Variants in PDILT observed in about 807,000 individuals in gnomAD.
The protein encoded by PDILT is protein disulfide isomerase like, testis expressed, also known as protein disulfide-isomerase-like protein of the testis.
PDILT carries 43 observed loss-of-function variants against 53.7 expected under a neutral mutation model. The ratio of observed to expected loss-of-function variants is 0.80; its 90% confidence interval spans 0.63 to 1.03. The LOEUF (loss-of-function observed/expected upper bound fraction) is 1.03. Ranked by LOEUF, PDILT falls within the 50% of genes least tolerant of loss-of-function variation. The pLI is 0.00. For missense variants in PDILT, 727 were observed against 712.3 expected (o/e 1.02, Z -0.24); for synonymous variants, 282 against 274.2 (o/e 1.03, Z -0.28).
rs760000909 is a variant in PDILT at position 20,384,772 on chromosome 16, A to T, written c.282T>A (p.Asn94Lys). 1.2e-6 allele frequency: 2 copies of T among 1,614,056 alleles called. No individual in the cohort carries two copies. The highest frequency in any genetic ancestry group is 2.2e-5 in the South Asian group (2 of 91,068). ...TGTCCACTTTGCCAAAGCCGATCCC[A>T]TTCTTGCCTTTGCCCATGATCTCCA... Reference protein sequence around the residue: ...KAVEIMGKGKNGIGFGKVDIT... With the variant: ...KAVEIMGKGKKGIGFGKVDIT... Residue 94 changes from asparagine (N) to lysine (K), a missense_variant, in exon 3 of 12, where the codon AAT (asparagine) becomes AAA (lysine). Physicochemically the swap from Asn to Lys is moderately conservative, Grantham distance 94. Transcript: ENST00000302451.
chr16:20,393,848 C>A (rs766008209), intron 2 of PDILT, among the ~76,000 whole-genome samples: 2 of 152,180 alleles, frequency 1.3e-5, no homozygotes, highest in African/African-American at 4.8e-5. Flanking sequence ...CCAATTGTCA[C>A]CTTGCAGGAC....
intron 1 of PDILT, among the ~76,000 whole-genome samples, chr16:20,402,573 A>G (rs1234713437): frequency 6.6e-6 from 1 of 152,238 alleles, no homozygotes; most frequent in Non-Finnish European, 1.5e-5. Context: ...TGTTGGGATG[A>G]CAGGCATGAG....
chr16:20,376,368 C>T (rs963330557), intron 3 of PDILT, among the ~76,000 whole-genome samples, 167 bp from the exon 4 acceptor site: 59 of 152,156 alleles, frequency 3.9e-4, no homozygotes, highest in African/African-American at 1.3e-3. Context: ...GCTCCAAGCA[C>T]GAACATTAAC....
intron 9 of PDILT, among the ~76,000 whole-genome samples, chr16:20,364,048 C>T (rs1225548462): frequency 5.9e-5 from 9 of 152,318 alleles, no homozygotes; most frequent in Admixed American, 4.6e-4. Context: ...GGCCATCCCC[C>T]CTGCCTGCAG....
chr16:20,398,009 T>C (rs1225285426), intron 2 of PDILT, among the ~76,000 whole-genome samples: 1 of 152,120 alleles, frequency 6.6e-6, no homozygotes, highest in Non-Finnish European at 1.5e-5. Context: ...TCGCCACTTG[T>C]GCTGTGTGAC....
intron 8 of PDILT, among the ~76,000 whole-genome samples, chr16:20,368,351 G>A (rs993767542): frequency 1.4e-4 from 21 of 152,202 alleles, no homozygotes; most frequent in African/African-American, 4.8e-4. Flanking sequence ...CAAAAAGCAT[G>A]GGATCCAAGG....
chr16:20,359,631 G>A (rs1966068581), intron 11 of PDILT, 64 bp from the exon 12 acceptor site: 4 of 1,477,686 alleles, frequency 2.7e-6, no homozygotes, highest in Admixed American at 1.8e-5. Context: ...AAATAAAGAG[G>A]CAAGAAATAT....
chr16:20,381,634 CAAAA>C (rs1034720000), intron 3 of PDILT, among the ~76,000 whole-genome samples: 2 of 58,586 alleles, frequency 3.4e-5, no homozygotes, highest in Admixed American at 2.0e-4. Context: ...GACTCCATCT[CAAAA>C]AAAAAAAAAA....
chr16:20,359,746 G>A (rs1267833734), intron 11 of PDILT, among the ~76,000 whole-genome samples, 179 bp from the exon 12 acceptor site: 2 of 152,212 alleles, frequency 1.3e-5, no homozygotes, highest in African/African-American at 4.8e-5. Context: ...GATCCGTTTG[G>A]TTTCAGAGGT....
At chr16:20,367,000 CTTTATTTA>C (rs1308840238) in intron 8 of PDILT, among the ~76,000 whole-genome samples, 1 of 130,722 alleles carries the variant, frequency 7.6e-6, no homozygotes, top group African/African-American at 3.1e-5. Context: ...TTCTTTCTTT[CTTTATTTA>C]TTTCTCTCTC....
intron 8 of PDILT, 41 bp from the exon 9 acceptor site, chr16:20,365,581 G>T: frequency 6.3e-7 from 1 of 1,596,840 alleles, no homozygotes; most frequent in Non-Finnish European, 8.5e-7. Flanking sequence ...CTTCATAAAG[G>T]GTCTTGAAGT....
At chr16:20,361,993 T>A (rs1966109433) in intron 10 of PDILT, among the ~76,000 whole-genome samples, 1 of 152,234 alleles carries the variant, frequency 6.6e-6, no homozygotes, top group African/African-American at 2.4e-5. Context: ...AAGGTGGAAA[T>A]GACATTGTTT....
At position 20,362,478 on chromosome 16, in the gene PDILT, T is replaced by C. The variant is rs1194956943; in HGVS notation, c.1342A>G (p.Thr448Ala). 6.2e-7 allele frequency: 1 copy of C among 1,614,228 alleles called. No individual in the cohort carries two copies. Among genetic ancestry groups the C allele is most frequent in the East Asian group, 2.2e-5 (1 of 44,886 alleles). Residue 448 changes from threonine to alanine, a missense_variant, in exon 10 of 12, where the codon ACA becomes GCA. Transcript: ENST00000302451. ...TACATCAGCTGAATGTCATTTGCTG[T>C]GACATCGATCTTGGCAATGATAATT... ...STIIIAKIDV[T>A]ANDIQLMYLD...
chr16:20,394,773 C>T (rs1330161233), intron 2 of PDILT, among the ~76,000 whole-genome samples: 1 of 152,208 alleles, frequency 6.6e-6, no homozygotes, highest in Non-Finnish European at 1.5e-5. Context: ...TCCCTCCCAC[C>T]TTGCTGGCTG....
In PDILT at chr16:20,359,329, T is replaced by G; in HGVS notation, c.1745A>C (p.Glu582Ala). Residue 582 changes from glutamate (E) to alanine (A), a missense_variant, in exon 12 of 12, where the codon GAA becomes GCA. By Grantham distance (107) the Glu-to-Ala change is moderately radical. Transcript: ENST00000302451. ...CTGGTATTGGAGAAGCTAAAGTTCT[T>G]CCTTGACTTTTGGTTTCTTCTTTTG... ...PVQKKKPKVK[E>A]EL 2 of 1,613,742 alleles carry G rather than the reference T, an allele frequency of 1.2e-6. No individual in the cohort carries two copies. Among genetic ancestry groups the G allele is most frequent in the Non-Finnish European group, 1.7e-6 (2 of 1,179,930 alleles).
intron 2 of PDILT, among the ~76,000 whole-genome samples, chr16:20,385,352 C>T (rs1187872263): frequency 6.6e-6 from 1 of 152,168 alleles, no homozygotes; most frequent in Non-Finnish European, 1.5e-5. Context: ...AGCCCTGTGA[C>T]AGTGAGAGGT....
intron 3 of PDILT, among the ~76,000 whole-genome samples, chr16:20,379,374 T>C (rs989808810): frequency 1.3e-5 from 2 of 152,148 alleles, no homozygotes; most frequent in African/African-American, 2.4e-5. Flanking sequence ...GGTTTCACCA[T>C]GTTGGCCAGG....
chr16:20,366,453 C>T (rs534142839), intron 8 of PDILT, among the ~76,000 whole-genome samples: 1 of 152,246 alleles, frequency 6.6e-6, no homozygotes, highest in Non-Finnish European at 1.5e-5. Context: ...TCTCATAATG[C>T]TCAGCACTTT....
intron 8 of PDILT, among the ~76,000 whole-genome samples, chr16:20,367,031 CTTTCTTTCTTTCTTTCTTTCTTTCTT>C (rs1567320665): frequency 5.9e-3 from 60 of 10,110 alleles, no homozygotes; most frequent in African/African-American, 0.017. Context: ...TTTCTTCTTT[CTTTCTTTCTTTCTTTCTTTCTTTCTT>C]TCTTTCTTTC....
Sources: allele counts gnomAD v4.1 joint callset (sites outside exome capture counted in the v4.1 genomes callset), GRCh38; gene constraint gnomAD v4.1.1; transcripts MANE v1.5; gene names NCBI Gene and HGNC (gene_info 2026-07-23, HGNC 2026-07-21).